The following CLDN11 variants were observed in gnomAD, a reference collection of about 807,000 sequenced individuals.
CLDN11 encodes claudin-11.
Under a neutral mutation model 18.0 loss-of-function variants are expected in CLDN11, and 1 was observed. That is an observed-to-expected ratio of 0.06 (90% CI 0.02 to 0.26). The LOEUF (loss-of-function observed/expected upper bound fraction) is 0.26. CLDN11 is among the 10% of genes least tolerant of loss of function. CLDN11 has a pLI of 1.00. For missense variants in CLDN11, 172 were observed against 276.6 expected (o/e 0.62, Z 2.68); for synonymous variants, 116 against 121.5 (o/e 0.96, Z 0.30).
chr3:170,424,023 C>CAAAAAAA (rs58373106), intron 2 of CLDN11, among the ~76,000 whole-genome samples: 3 of 120,144 alleles, frequency 2.5e-5, no homozygotes, highest in African/African-American at 3.3e-5. Flanking sequence ...AGTGCAACTC[C>CAAAAAAA]AAAAAAAAAA....
Position 170,434,361 on chromosome 3 carries a change from G to A in CLDN11, c.*1605G>A, listed in dbSNP as rs757912488. 1.3e-5 allele frequency among the ~76,000 whole-genome samples: 2 copies of A among 152,174 alleles called. No individual in the cohort carries two copies. The highest frequency in any genetic ancestry group is 2.9e-5 in the Non-Finnish European group (2 of 68,024). On this transcript the variant is annotated 3_prime_UTR_variant, in exon 3 of 3. Transcript: ENST00000064724. ...ATCTTTAATCATCGATCAATGGGCA[G>A]CAATCAGAAACAAAGTTCTCAGCAT...
rs184973915 is a variant in CLDN11 at position 170,434,257 on chromosome 3, G to A, written c.*1501G>A. ...ATTAAAAAGTTATATTTTATTCACGGTATTGCAGTGGTAATTTGTGGTCAT... is the reference window on the plus strand; with the variant it reads ...ATTAAAAAGTTATATTTTATTCACGATATTGCAGTGGTAATTTGTGGTCAT... On this transcript the variant is annotated 3_prime_UTR_variant, in exon 3 of 3. Coordinates refer to ENST00000064724, the MANE Select transcript of CLDN11 (RefSeq NM_005602.6). Among the ~76,000 whole-genome samples, 576 of 152,252 alleles carry A rather than the reference G, an allele frequency of 3.8e-3. 3 individuals are homozygous for A. The highest frequency in any genetic ancestry group is 0.013 in the African/African-American group (536 of 41,556).
chr3:170,426,762 C>T (rs1738864182), intron 2 of CLDN11, among the ~76,000 whole-genome samples: 1 of 152,028 alleles, frequency 6.6e-6, no homozygotes, highest in African/African-American at 2.4e-5. Context: ...GGTATTCTTC[C>T]AATCATGTCA....
chr3:170,432,933 G>A lies in CLDN11; in HGVS notation c.*177G>A. On this transcript the variant is annotated 3_prime_UTR_variant, in exon 3 of 3. Transcript: ENST00000064724. ...TTCTCCCCATTTCCCCCATCTTTTG[G>A]TTGCCTTAAAAGAAATCTCTAGCTC... is the stretch of plus-strand genomic sequence containing the variant. 1 of 625,608 alleles carries A rather than the reference G, an allele frequency of 1.6e-6. No homozygotes were observed. The highest frequency in any genetic ancestry group is 2.8e-6 in the Non-Finnish European group (1 of 360,616). The allele number at this position is 625,608 out of a possible 1,614,324, so 38.8% of individuals were successfully genotyped here.
chr3:170,431,003 A>G (rs1236789320), intron 2 of CLDN11, among the ~76,000 whole-genome samples: 3 of 152,146 alleles, frequency 2.0e-5, no homozygotes, highest in African/African-American at 7.2e-5. Context: ...ATATCTTCCT[A>G]CATATATCTA....
At position 170,418,987 on chromosome 3, in the gene CLDN11, C is replaced by A. The variant is rs1320944200; in HGVS notation, c.-80C>A. The A allele has an allele frequency of 1.7e-5, 18 of 1,056,500 alleles. No individual in the cohort carries two copies. The highest frequency in any genetic ancestry group is 2.2e-5 in the Non-Finnish European group (16 of 716,114). The allele number at this position is 1,056,500 out of a possible 1,614,324, so 65.4% of individuals were successfully genotyped here. A position where few individuals can be genotyped will look rare whatever the true frequency, so the allele number is the denominator to read the frequency against. On this transcript the variant is annotated 5_prime_UTR_variant, in exon 1 of 3. Coordinates refer to ENST00000064724, the MANE Select transcript of CLDN11 (RefSeq NM_005602.6). The surrounding 1 kb of genome is among the most constrained non-coding windows in gnomAD (Gnocchi z 4.3). ...TCCAGCGGCTCGCGAGCGTGGGAGA[C>A]GTACCTGGGCAGGCACTGTCCAGCC...
rs557081855 is a variant in CLDN11, at chr3:170,434,188, T to C, written c.*1432T>C. On this transcript the variant is annotated 3_prime_UTR_variant, in exon 3 of 3. Coordinates refer to ENST00000064724, the MANE Select transcript of CLDN11 (RefSeq NM_005602.6). ...CTCTACTGGTAATTTATAGGGAATCTGATCAGTGATTCAAGAACAAGTAAT... is the reference window on the plus strand; with the variant it reads ...CTCTACTGGTAATTTATAGGGAATCCGATCAGTGATTCAAGAACAAGTAAT... 3 of 152,810 alleles carry C rather than the reference T, an allele frequency of 2.0e-5. No individual in the cohort carries two copies. Among genetic ancestry groups the C allele is most frequent in the South Asian group, 4.1e-4 (2 of 4,830 alleles). 9.5% of individuals were successfully genotyped at this position (152,810 alleles called of 1,614,324 possible). A position where few individuals can be genotyped will look rare whatever the true frequency, so the allele number is the denominator to read the frequency against.
chr3:170,419,258 C>T lies in CLDN11; in HGVS notation c.192C>T (p.His64=), dbSNP rs765462217. ...GCGTCATGGCCACGGGGCTGTACCA[C>T]TGCAAGCCCCTGGTGGACATCCTCA... is the stretch of plus-strand genomic sequence containing the variant. ...ADCVMATGLY[H]CKPLVDILIL... is the part of the protein sequence containing the mutation. The change falls in exon 1 of 3, where the codon CAC becomes CAT. Residue 64 remains histidine, a synonymous_variant. Transcript: ENST00000064724. The surrounding 1 kb of genome is among the most constrained non-coding windows in gnomAD (Gnocchi z 8.6). The T allele has an allele frequency of 7.0e-6, 11 of 1,570,574 alleles. No homozygotes were observed. The highest frequency in any genetic ancestry group is 1.4e-5 in the African/African-American group (1 of 73,870).
In CLDN11 at chr3:170,423,056, C is replaced by T. The variant is rs770910339; in HGVS notation, c.227-107C>T. 5 of 1,209,156 alleles carry T rather than the reference C, an allele frequency of 4.1e-6. No individual in the cohort carries two copies. The South Asian group carries it at 5.2e-5, about 12-fold the overall frequency. 74.9% of individuals were successfully genotyped at this position (1,209,156 alleles called of 1,614,324 possible). ...ATTAGCACCTTCTAAGTCCTGGAAT[C>T]CACCAAGAAGGAGGAAGGGAGATGG... On this transcript the variant is annotated intron_variant, in intron 1 of 2. Transcript: ENST00000064724.
intron 2 of CLDN11, 53 bp from the exon 3 acceptor site, chr3:170,432,471 G>C (rs751510772): frequency 1.7e-4 from 273 of 1,605,806 alleles, no homozygotes; most frequent in Non-Finnish European, 2.2e-4. Context: ...GCCTGCCCAA[G>C]TGCTTGGTGT....
chr3:170,420,412 G>T (rs896143064), intron 1 of CLDN11, among the ~76,000 whole-genome samples: 3 of 152,184 alleles, frequency 2.0e-5, no homozygotes, highest in Non-Finnish European at 4.4e-5. Flanking sequence ...AGATAAGACT[G>T]TGCTCGCCCC....
chr3:170,429,644 C>T (rs1397181704), intron 2 of CLDN11, among the ~76,000 whole-genome samples: 3 of 152,070 alleles, frequency 2.0e-5, no homozygotes, highest in Admixed American at 6.6e-5. Context: ...AACAAAATCC[C>T]TAAAATACTC....
chr3:170,425,635 C>T (rs1738836329), intron 2 of CLDN11, among the ~76,000 whole-genome samples: 2 of 152,186 alleles, frequency 1.3e-5, no homozygotes, highest in African/African-American at 4.8e-5. Flanking sequence ...GCCTCAGTCC[C>T]TGTTTGCCTG....
At chr3:170,432,257 G>A (rs988231216) in intron 2 of CLDN11, among the ~76,000 whole-genome samples, 2 of 152,152 alleles carry the variant, frequency 1.3e-5, no homozygotes, top group African/African-American at 4.8e-5. Context: ...ATATTTTTTG[G>A]ACTTAAATGG....
chr3:170,421,836 A>T (rs1738732666), intron 1 of CLDN11, among the ~76,000 whole-genome samples: 2 of 152,344 alleles, frequency 1.3e-5, no homozygotes, highest in African/African-American at 4.8e-5. Flanking sequence ...TCTGTTTCTT[A>T]ATACAGTTTT....
chr3:170,419,066 C>G lies in CLDN11; in HGVS notation c.-1C>G, dbSNP rs1017391711. 23 of 1,549,556 alleles carry G rather than the reference C, an allele frequency of 1.5e-5. No homozygotes were observed. The highest frequency in any genetic ancestry group is 2.0e-5 in the Non-Finnish European group (23 of 1,146,462). On this transcript the variant is annotated 5_prime_UTR_variant, in exon 1 of 3. Coordinates refer to ENST00000064724, the MANE Select transcript of CLDN11 (RefSeq NM_005602.6). This position sits in a 1 kb window ranked among gnomAD's most constrained non-coding sequence, Gnocchi z 8.6. Reference sequence around the variant, plus strand: ...GGCACGGGGACATCCTGGCGGCCACCATGGTGGCCACGTGCCTGCAGGTGG... The same window carrying G: ...GGCACGGGGACATCCTGGCGGCCACGATGGTGGCCACGTGCCTGCAGGTGG...
intron 2 of CLDN11, 107 bp downstream of exon 2, chr3:170,423,434 A>G (rs1738769178): frequency 2.5e-6 from 3 of 1,218,570 alleles, no homozygotes; most frequent in Non-Finnish European, 3.5e-6. Flanking sequence ...AAGGAAGCCA[A>G]GTGAAGCCAG....
intron 2 of CLDN11, among the ~76,000 whole-genome samples, chr3:170,429,621 T>A (rs1215908663): frequency 6.6e-6 from 1 of 152,238 alleles, no homozygotes. Context: ...TGATTTATAT[T>A]GGAATAAAAC....
intron 2 of CLDN11, among the ~76,000 whole-genome samples, chr3:170,428,979 T>C (rs1049598121): frequency 1.3e-5 from 2 of 152,212 alleles, no homozygotes; most frequent in Non-Finnish European, 2.9e-5. Context: ...CGAATAAAAT[T>C]AAAACTATCA....
Sources: gnomAD v4.1 joint callset for allele counts (sites outside exome capture counted in the v4.1 genomes callset) on GRCh38, gnomAD v4.1.1 for gene constraint, Gnocchi (gnomAD v3.1) non-coding constraint, MANE v1.5 for transcripts, NCBI Gene and HGNC (gene_info 2026-07-23, HGNC 2026-07-21) for gene names.